The following HIVEP3 variants were observed in gnomAD, a reference collection of about 807,000 sequenced individuals.
HIVEP3 encodes transcription factor HIVEP3.
Under a neutral mutation model 152.8 loss-of-function variants are expected in HIVEP3, and 49 were observed. The ratio of observed to expected loss-of-function variants is 0.32; its 90% confidence interval spans 0.26 to 0.41. HIVEP3 has a LOEUF of 0.41. Among genes scored for constraint, HIVEP3 ranks in the 10% least tolerant of loss-of-function variants. HIVEP3 has a pLI of 1.00. For synonymous variants in HIVEP3, 1,269 were observed against 1,289.0 expected (o/e 0.98, Z 0.33); for missense variants, 2,790 against 3,103.3 (o/e 0.90, Z 2.40).
At chr1:41,828,964 C>T (rs1570622477) in intron 1 of HIVEP3, among the ~76,000 whole-genome samples, 1 of 152,188 alleles carries the variant, frequency 6.6e-6, no homozygotes, top group East Asian at 1.9e-4. Context: ...TAATTCTGGC[C>T]AACATTGCCC....
intron 1 of HIVEP3, among the ~76,000 whole-genome samples, chr1:41,731,522 G>A (rs541792369): frequency 2.0e-4 from 31 of 152,322 alleles, no homozygotes; most frequent in South Asian, 1.5e-3. Flanking sequence ...ACAGGATGTC[G>A]TGGGAATGAC....
rs1400716835 is a variant in HIVEP3, at chr1:41,934,993, A to ATTAGGCAACAGC, written n.120-16470_120-16469insGCTGTTGCCTAA. Among the ~76,000 whole-genome samples the ATTAGGCAACAGC allele has an allele frequency of 2.0e-5, 3 of 152,170 alleles. 1 individual carries two copies. In the East Asian group the frequency reaches 5.8e-4, roughly 29 times the overall value. On this transcript the variant is annotated intron_variant and non_coding_transcript_variant, in intron 1 of 3. Coordinates refer to the HIVEP3 transcript ENST00000489103. ...CATTTAGTGAGAAATATGACAGGCA[A>ATTAGGCAACAGC]CTAATTACTCAAAATTAGGCTAATG...
intron 1 of HIVEP3, among the ~76,000 whole-genome samples, chr1:41,795,179 C>T (rs1281083659): frequency 6.6e-6 from 1 of 152,202 alleles, no homozygotes; most frequent in African/African-American, 2.4e-5. Context: ...TCTGACATTG[C>T]ATTTAGATGT....
At chr1:41,561,150 A>G (rs150550127) in intron 5 of HIVEP3, among the ~76,000 whole-genome samples, 3 of 152,334 alleles carry the variant, frequency 2.0e-5, no homozygotes, top group African/African-American at 7.2e-5. Flanking sequence ...TGGACAAGCC[A>G]GAGATAGTTC....
chr1:41,785,557 GA>G (rs1231872462), intron 1 of HIVEP3, among the ~76,000 whole-genome samples: 1 of 152,116 alleles, frequency 6.6e-6, no homozygotes, highest in Non-Finnish European at 1.5e-5. Context: ...GGAATATTGA[GA>G]AGTCACTAAA....
chr1:41,804,405 T>A (rs559189771), intron 1 of HIVEP3, among the ~76,000 whole-genome samples: 7 of 152,254 alleles, frequency 4.6e-5, no homozygotes, highest in Non-Finnish European at 1.0e-4. Context: ...GCTTGTTTAA[T>A]CCTCAAGACA....
intron 1 of HIVEP3, among the ~76,000 whole-genome samples, chr1:42,026,873 CA>C (rs1184231435): frequency 6.6e-6 from 1 of 152,206 alleles, no homozygotes; most frequent in Admixed American, 6.5e-5. Flanking sequence ...GTGGACTTTT[CA>C]TCTTAAAGAG....
intron 2 of HIVEP3, among the ~76,000 whole-genome samples, chr1:41,692,927 T>C (rs772207052): frequency 2.0e-5 from 3 of 152,220 alleles, no homozygotes; most frequent in Non-Finnish European, 4.4e-5. Context: ...TTATTGGTAA[T>C]AATAAAAGAG....
Position 41,580,688 on chromosome 1 carries a change from A to C in HIVEP3, c.4110T>G (p.Gly1370=), listed in dbSNP as rs1160969869. 6.2e-7 allele frequency: 1 copy of C among 1,610,950 alleles called. No homozygotes were observed. Among genetic ancestry groups the C allele is most frequent in the Non-Finnish European group, 8.5e-7 (1 of 1,178,372 alleles). Residue 1370 remains glycine, a synonymous_variant, in exon 4 of 9, where the codon GGT becomes GGG. Coordinates refer to ENST00000372583, the MANE Select transcript of HIVEP3 (RefSeq NM_024503.5). ...CGGGCCCAACCTCATGCACATCTGC[A>C]CCACATACAGTCGTCCCCTTTGATG... is the stretch of plus-strand genomic sequence containing the variant. ...EPPSKGTTVC[G]ADVHEVGPGP...
At chr1:41,821,152 C>G (rs1246264465) in intron 1 of HIVEP3, among the ~76,000 whole-genome samples, 1 of 152,156 alleles carries the variant, frequency 6.6e-6, no homozygotes, top group African/African-American at 2.4e-5. Context: ...TTCAGAGACT[C>G]CCCAGTTGTG....
At chr1:41,690,254 A>G (rs1646176501) in intron 2 of HIVEP3, among the ~76,000 whole-genome samples, 1 of 152,208 alleles carries the variant, frequency 6.6e-6, no homozygotes, top group African/African-American at 2.4e-5. Context: ...CTTCTTCCTG[A>G]TGGCTGGAGA....
intron 1 of HIVEP3, among the ~76,000 whole-genome samples, chr1:41,984,876 AT>A (rs1321248875): frequency 6.6e-6 from 1 of 152,234 alleles, no homozygotes; most frequent in Non-Finnish European, 1.5e-5. Flanking sequence ...CTAGGGGCAT[AT>A]AATCTTATAA....
chr1:41,940,082 C>T (rs957176872), intron 1 of HIVEP3, among the ~76,000 whole-genome samples: 4 of 152,138 alleles, frequency 2.6e-5, no homozygotes, highest in Non-Finnish European at 5.9e-5. Context: ...AAAGATACCT[C>T]ACATTAATGT....
intron 5 of HIVEP3, among the ~76,000 whole-genome samples, chr1:41,551,328 T>C (rs998893164): frequency 3.6e-5 from 3 of 84,278 alleles, no homozygotes; most frequent in African/African-American, 1.1e-4. Context: ...GATATTGGTC[T>C]AAAATTCTCT....
chr1:41,645,124 A>T (rs556493432), intron 2 of HIVEP3, among the ~76,000 whole-genome samples: 66 of 152,170 alleles, frequency 4.3e-4, no homozygotes, highest in Non-Finnish European at 4.0e-4. Context: ...TTGGTTTTGA[A>T]CACTCCAGCC....
intron 1 of HIVEP3, among the ~76,000 whole-genome samples, chr1:41,807,465 G>A (rs192800344): frequency 9.9e-5 from 15 of 152,284 alleles, no homozygotes; most frequent in Admixed American, 7.8e-4. Context: ...GAGGGAAGGA[G>A]GGACCTGTAT....
intron 3 of HIVEP3, among the ~76,000 whole-genome samples, chr1:41,603,271 T>C (rs1333367655): frequency 6.6e-6 from 1 of 152,158 alleles, no homozygotes; most frequent in Non-Finnish European, 1.5e-5. Context: ...TTTCACCATG[T>C]TGGCCAGGCT....
At chr1:41,948,176 A>T (rs1645085369) in intron 1 of HIVEP3, among the ~76,000 whole-genome samples, 1 of 152,252 alleles carries the variant, frequency 6.6e-6, no homozygotes, top group Non-Finnish European at 1.5e-5. Flanking sequence ...GACTTCGAAA[A>T]GCAGGGTATG....
intron 1 of HIVEP3, among the ~76,000 whole-genome samples, chr1:41,993,336 A>C (rs1183936913): frequency 1.3e-5 from 2 of 150,746 alleles, no homozygotes; most frequent in African/African-American, 4.9e-5. Flanking sequence ...AAAAGTGGGC[A>C]AAGGACATGA....
Sources: gnomAD v4.1 joint callset for allele counts (sites outside exome capture counted in the v4.1 genomes callset) on GRCh38, gnomAD v4.1.1 for gene constraint, MANE v1.5 for transcripts, NCBI Gene and HGNC (gene_info 2026-07-23, HGNC 2026-07-21) for gene names.